CADM2: variants seen among roughly 807,000 people sequenced by gnomAD.
CADM2 encodes the protein cell adhesion molecule 2, also known as immunoglobulin superfamily member 4D.
CADM2 carries 12 observed loss-of-function variants against 49.8 expected under a neutral mutation model. The observed-to-expected ratio is 0.24, with a 90% CI of 0.15 to 0.39. The LOEUF is 0.39. Ranked by LOEUF, CADM2 falls within the 10% of genes least tolerant of loss-of-function variation. CADM2 has a pLI of 1.00. For missense variants in CADM2, 378 were observed against 492.3 expected, an observed-to-expected ratio of 0.77 and a Z score of 2.20; for synonymous variants, 214 against 175.4, an observed-to-expected ratio of 1.22 and a Z score of -1.74.
chr3:85,987,322 C>T (rs989510468), intron 8 of CADM2, among the ~76,000 whole-genome samples: 2 of 151,818 alleles, frequency 1.3e-5, no homozygotes, highest in African/African-American at 4.8e-5. Context: ...TTTATTTCTT[C>T]AGCTTCCATC....
intron 1 of CADM2, among the ~76,000 whole-genome samples, 189 bp downstream of exon 1, chr3:84,959,857 C>T (rs1324217168): frequency 6.6e-6 from 1 of 152,076 alleles, no homozygotes; most frequent in Non-Finnish European, 1.5e-5. Context: ...CTAACACTGG[C>T]TCAGCCCTGC....
intron 1 of CADM2, among the ~76,000 whole-genome samples, chr3:85,336,979 A>AATAT (rs549422386): frequency 1.4e-4 from 3 of 21,536 alleles, no homozygotes; most frequent in African/African-American, 1.7e-4. Flanking sequence ...ATATATATTT[A>AATAT]ATATATATAT....
At chr3:85,911,269 C>G (rs1189947998) in intron 5 of CADM2, among the ~76,000 whole-genome samples, 1 of 152,144 alleles carries the variant, frequency 6.6e-6, no homozygotes, top group Non-Finnish European at 1.5e-5. Flanking sequence ...AAATTGCCCT[C>G]TTCTTATCAG....
chr3:85,801,385 G>A (rs2072025897), intron 2 of CADM2, among the ~76,000 whole-genome samples: 1 of 152,084 alleles, frequency 6.6e-6, no homozygotes, highest in Non-Finnish European at 1.5e-5. Context: ...AGAAACTACA[G>A]AAAGGAACAA....
chr3:85,411,193 T>C (rs2035641206), intron 1 of CADM2, among the ~76,000 whole-genome samples: 1 of 152,052 alleles, frequency 6.6e-6, no homozygotes, highest in African/African-American at 2.4e-5. Flanking sequence ...GAAAAAGCAA[T>C]ATGACTTCAG....
chr3:86,059,056 T>A (rs1179119691), intron 8 of CADM2, among the ~76,000 whole-genome samples: 1 of 147,356 alleles, frequency 6.8e-6, no homozygotes, highest in Non-Finnish European at 1.5e-5. Context: ...ATTGTACCCC[T>A]GCACTTCAGC....
At chr3:85,607,636 C>T (rs750374522) in intron 1 of CADM2, among the ~76,000 whole-genome samples, 13 of 151,918 alleles carry the variant, frequency 8.6e-5, no homozygotes, top group African/African-American at 3.1e-4. Context: ...TAAATATATA[C>T]ACCTGCGTAT....
At chr3:85,232,909 T>G (rs188487255) in intron 1 of CADM2, among the ~76,000 whole-genome samples, 25 of 152,216 alleles carry the variant, frequency 1.6e-4, no homozygotes, top group Admixed American at 1.3e-3. Flanking sequence ...CTTAGAAGAG[T>G]TGAAAATTTA....
chr3:85,257,831 G>T (rs79877797), intron 1 of CADM2, among the ~76,000 whole-genome samples: 10,087 of 152,070 alleles, frequency 0.066, 1,099 homozygotes, highest in African/African-American at 0.23. Flanking sequence ...ATTTAAATAT[G>T]TAGTTTCATA....
chr3:85,312,100 A>G (rs545198803), intron 1 of CADM2, among the ~76,000 whole-genome samples: 20 of 152,114 alleles, frequency 1.3e-4, no homozygotes, highest in Non-Finnish European at 2.6e-4. Context: ...TTACTCATCC[A>G]AAGTTTCATT....
chr3:85,563,400 T>TG (rs1444857261), intron 1 of CADM2, among the ~76,000 whole-genome samples: 4,189 of 144,680 alleles, frequency 0.029, 220 homozygotes, highest in Non-Finnish European at 0.037. Context: ...CAGGGAATTT[T>TG]TGTGTGTGTG....
At chr3:85,296,944 A>G (rs1157980301) in intron 1 of CADM2, among the ~76,000 whole-genome samples, 3 of 152,028 alleles carry the variant, frequency 2.0e-5, no homozygotes, top group Non-Finnish European at 4.4e-5. Context: ...GATTTTAATT[A>G]TATTTTATTG....
intron 1 of CADM2, among the ~76,000 whole-genome samples, chr3:85,077,231 T>C (rs1353319130): frequency 6.6e-6 from 1 of 152,130 alleles, no homozygotes; most frequent in Admixed American, 6.5e-5. Flanking sequence ...TGAATACTAG[T>C]TGAGGTTTGT....
intron 1 of CADM2, among the ~76,000 whole-genome samples, chr3:85,708,870 G>T (rs762140353): frequency 6.6e-6 from 1 of 151,896 alleles, no homozygotes; most frequent in Non-Finnish European, 1.5e-5. Flanking sequence ...TTTTAAAAAG[G>T]TTGTATGTGT....
intron 8 of CADM2, chr3:86,012,445 C>A (rs1676793121): frequency 1.3e-5 from 6 of 477,744 alleles, no homozygotes; most frequent in Non-Finnish European, 2.1e-5. Flanking sequence ...CCCTCGCCCG[C>A]GCGCCGGCCC....
intron 3 of CADM2, among the ~76,000 whole-genome samples, chr3:85,880,137 G>A (rs913911281): frequency 8.5e-5 from 13 of 152,190 alleles, no homozygotes; most frequent in African/African-American, 3.1e-4. Context: ...TTCTTTGTGT[G>A]CGTTTCTTAG....
intron 6 of CADM2, among the ~76,000 whole-genome samples, chr3:85,917,548 C>T (rs1462252303): frequency 1.3e-5 from 2 of 152,106 alleles, no homozygotes; most frequent in East Asian, 3.8e-4. Context: ...GGTACCAGTA[C>T]CATGCTGTTT....
chr3:85,338,510 C>A (rs371737569), intron 1 of CADM2, among the ~76,000 whole-genome samples: 1 of 151,446 alleles, frequency 6.6e-6, no homozygotes, highest in East Asian at 1.9e-4. Context: ...ATCATTATAG[C>A]AAATTATAGT....
intron 6 of CADM2, among the ~76,000 whole-genome samples, chr3:85,934,231 C>T (rs1191383066): frequency 6.6e-6 from 1 of 152,168 alleles, no homozygotes. Context: ...AGACCATAGG[C>T]CTCAGTTTGA....
Sources: allele counts gnomAD v4.1 joint callset (sites outside exome capture counted in the v4.1 genomes callset), GRCh38; gene constraint gnomAD v4.1.1; transcripts MANE v1.5; gene names NCBI Gene and HGNC (gene_info 2026-07-23, HGNC 2026-07-21).